The following SLC22A5 variants were observed in gnomAD, a reference collection of about 807,000 sequenced individuals.
SLC22A5 encodes organic cation/carnitine transporter 2.
In SLC22A5, 44 loss-of-function variants were observed where a neutral mutation model predicts 56.7. That is an observed-to-expected ratio of 0.78 (90% confidence interval 0.61 to 1.00). The LOEUF (loss-of-function observed/expected upper bound fraction) is 1.00. Among genes scored for constraint, SLC22A5 ranks in the 50% least tolerant of loss-of-function variants. SLC22A5 has a pLI of 0.00. For missense variants in SLC22A5, 675 were observed against 723.0 expected (o/e 0.93, Z 0.76); for synonymous variants, 278 against 292.1 (o/e 0.95, Z 0.49).
intron 4 of SLC22A5, 111 bp from the exon 5 acceptor site, chr5:132,386,914 C>T: frequency 8.6e-7 from 1 of 1,164,660 alleles, no homozygotes; most frequent in Non-Finnish European, 1.3e-6. Flanking sequence ...ACCAAACATT[C>T]CACAAGCTCT....
At chr5:132,379,769 C>T (rs1752286929) in intron 2 of SLC22A5, 1 of 152,276 alleles carries the variant, frequency 6.6e-6, no homozygotes, top group Admixed American at 6.5e-5. Flanking sequence ...CAGGCGCGAG[C>T]CACTGCACCT....
At chr5:132,391,052 G>A (rs1752683358) in intron 7 of SLC22A5, 148 bp downstream of exon 7, 1 of 727,298 alleles carries the variant, frequency 1.4e-6, no homozygotes, top group Non-Finnish European at 2.4e-6. Context: ...AATAGAAAGT[G>A]TCTTCTGAGA....
At chr5:132,378,269 C>T in intron 1 of SLC22A5, 109 bp from the exon 2 acceptor site, 1 of 1,613,942 alleles carries the variant, frequency 6.2e-7, no homozygotes, top group Non-Finnish European at 8.5e-7. Flanking sequence ...AGTTCACACT[C>T]AGAGCGTGTG....
At chr5:132,372,574 CT>C (rs1751972769) in intron 1 of SLC22A5, among the ~76,000 whole-genome samples, 2 of 152,088 alleles carry the variant, frequency 1.3e-5, no homozygotes. Context: ...CAATGTCAGC[CT>C]TTTGTTTTTT....
At chr5:132,373,339 T>TAAA (rs1752008514) in intron 1 of SLC22A5, among the ~76,000 whole-genome samples, 1 of 106,098 alleles carries the variant, frequency 9.4e-6, no homozygotes, top group Non-Finnish European at 1.9e-5. Flanking sequence ...CTGCTAGCAA[T>TAAA]TAATAAATAA....
chr5:132,394,317 G>A lies in SLC22A5; in HGVS notation c.*45G>A. On this transcript the variant is annotated 3_prime_UTR_variant, in exon 10 of 10. Coordinates refer to ENST00000245407, the MANE Select transcript of SLC22A5 (RefSeq NM_003060.4). ...GAAACTGAAGAGGAAAGACTGTCTT[G>A]CCAGAAATGGCCAGCTTGTGCAGAC... 1 of 1,347,240 alleles carries A rather than the reference G, an allele frequency of 7.4e-7. No individual in the cohort carries two copies. The highest frequency in any genetic ancestry group is 1.2e-5 in the South Asian group (1 of 85,736). The allele number at this position is 1,347,240 out of a possible 1,614,324, so 83.5% of individuals were successfully genotyped here. A position where few individuals can be genotyped will look rare whatever the true frequency, so the allele number is the denominator to read the frequency against.
Position 132,387,287 on chromosome 5 carries a change from C to A in SLC22A5, c.951+136C>A, listed in dbSNP as rs1431969145. On this transcript the variant is annotated intron_variant, in intron 5 of 9. Transcript: ENST00000245407. ...CCAAGCCCCAACTGCCCATTCCCCC[C>A]ATCCCCCCACTCCCCACCCCCACAC... 5.2e-6 allele frequency: 5 copies of A among 956,544 alleles called. No individual in the cohort carries two copies. The East Asian group carries it at 7.6e-5, about 14-fold the overall frequency. The allele number at this position is 956,544 out of a possible 1,614,324, so 59.3% of individuals were successfully genotyped here.
Position 132,369,828 on chromosome 5 carries a change from C to G in SLC22A5, c.-145C>G, listed in dbSNP as rs1351147793. ...CGCGGCAGGACCAAGGCGGCGGTGT[C>G]AGCTCGCGAGCCTACCCTCCGCGGA... On this transcript the variant is annotated 5_prime_UTR_variant, in exon 1 of 10. Coordinates refer to ENST00000245407, the MANE Select transcript of SLC22A5 (RefSeq NM_003060.4). The G allele has an allele frequency of 1.9e-5, 20 of 1,045,598 alleles. No individual in the cohort carries two copies. The highest frequency in any genetic ancestry group is 1.7e-4 in the South Asian group (10 of 58,408). 64.8% of individuals were successfully genotyped at this position (1,045,598 alleles called of 1,614,324 possible).
chr5:132,391,211 T>C (rs991746203), intron 7 of SLC22A5, among the ~76,000 whole-genome samples: 1 of 152,158 alleles, frequency 6.6e-6, no homozygotes, highest in African/African-American at 2.4e-5. Context: ...CATTCCTTTT[T>C]TTCCTGGCCC....
At chr5:132,393,539 G>T in intron 8 of SLC22A5, 137 bp from the exon 9 acceptor site, 2 of 1,073,464 alleles carry the variant, frequency 1.9e-6, no homozygotes, top group African/African-American at 3.1e-5. Flanking sequence ...ATTCTAATCT[G>T]ACTGCTCAGA....
Position 132,387,006 on chromosome 5 carries a change from T to C in SLC22A5, c.825-19T>C, listed in dbSNP as rs199907851. ...TGTTGGCAGGGAGGCCTCACTGAGA[T>C]TGGACCTTGTACTGCCAGGTTCATC... On this transcript the variant is annotated intron_variant, in intron 4 of 9. Coordinates refer to ENST00000245407, the MANE Select transcript of SLC22A5 (RefSeq NM_003060.4). The C allele has an allele frequency of 1.2e-6, 2 of 1,614,032 alleles. No homozygotes were observed. Among genetic ancestry groups the C allele is most frequent in the Non-Finnish European group, 1.7e-6 (2 of 1,179,888 alleles).
rs1752846107 is a variant in SLC22A5 at position 132,395,609 on chromosome 5, A to T, written c.*1337A>T. ...TTTAATAAGTAAAATGATTTTTTAA[A>T]TAACAGCAACTGCCTAGAATCTTTA... On this transcript the variant is annotated 3_prime_UTR_variant, in exon 10 of 10. Transcript: ENST00000245407. 1 of 152,794 alleles carries T rather than the reference A, an allele frequency of 6.5e-6. No individual in the cohort carries two copies. Among genetic ancestry groups the T allele is most frequent in the Admixed American group, 6.5e-5 (1 of 15,290 alleles). 9.5% of individuals were successfully genotyped at this position (152,794 alleles called of 1,614,324 possible).
At chr5:132,385,288 C>A in intron 3 of SLC22A5, 40 bp from the exon 4 acceptor site, 2 of 1,587,494 alleles carry the variant, frequency 1.3e-6, no homozygotes, top group South Asian at 1.1e-5. Flanking sequence ...GGAAGGAACC[C>A]AAATTAAACT....
rs1561577461 is a variant in SLC22A5, at chr5:132,393,761, C to T, written c.1536C>T (p.Ser512=). Residue 512 remains serine (S), a synonymous_variant, in exon 9 of 10, where the codon AGC becomes AGT. Transcript: ENST00000245407. ...TAILTLFLPE[S]FGTPLPDTID... ...TCCTCACCTTGTTTCTCCCAGAGAG[C>T]TTCGGTACCCCACTCCCAGACACCA... 1.2e-6 allele frequency: 2 copies of T among 1,614,158 alleles called. No homozygotes were observed. The highest frequency in any genetic ancestry group is 2.2e-5 in the East Asian group (1 of 44,888).
chr5:132,377,601 T>C (rs899513694), intron 1 of SLC22A5: 2 of 155,028 alleles, frequency 1.3e-5, no homozygotes, highest in Admixed American at 6.3e-5. Flanking sequence ...ATGGTAACTA[T>C]AGATGGAACC....
chr5:132,369,924 G>A lies in SLC22A5; in HGVS notation c.-49G>A, dbSNP rs1250069257. The A allele has an allele frequency of 6.2e-7, 1 of 1,604,334 alleles. No individual in the cohort carries two copies. Among genetic ancestry groups the A allele is most frequent in the Non-Finnish European group, 8.5e-7 (1 of 1,176,506 alleles). On this transcript the variant is annotated 5_prime_UTR_variant, in exon 1 of 10. Coordinates refer to ENST00000245407, the MANE Select transcript of SLC22A5 (RefSeq NM_003060.4). Reference sequence around the variant, plus strand: ...TGCCCCGCGCGCACGCGCAAAGCCCGCCGCGTTCCCCGACCCCAGGCCGCG... The same window carrying A: ...TGCCCCGCGCGCACGCGCAAAGCCCACCGCGTTCCCCGACCCCAGGCCGCG...
At chr5:132,383,551 A>C (rs1214925587) in intron 2 of SLC22A5, 1 of 158,468 alleles carries the variant, frequency 6.3e-6, no homozygotes, top group African/African-American at 2.4e-5. Context: ...CATAGGAAGC[A>C]TGCAATTCCT....
intron 9 of SLC22A5, 55 bp downstream of exon 9, chr5:132,393,866 C>A: frequency 6.2e-7 from 1 of 1,600,636 alleles, no homozygotes; most frequent in South Asian, 1.1e-5. Flanking sequence ...CTGGCCAGGT[C>A]TCAGGAGCCC....
At chr5:132,372,961 G>A (rs1751991172) in intron 1 of SLC22A5, among the ~76,000 whole-genome samples, 1 of 152,142 alleles carries the variant, frequency 6.6e-6, no homozygotes, top group Non-Finnish European at 1.5e-5. Context: ...TTTTTCCACT[G>A]AAGACTGGAA....
Sources: gnomAD v4.1 joint callset for allele counts (sites outside exome capture counted in the v4.1 genomes callset) on GRCh38, gnomAD v4.1.1 for gene constraint, MANE v1.5 for transcripts, NCBI Gene and HGNC (gene_info 2026-07-23, HGNC 2026-07-21) for gene names.